Variants in MYO18B observed in about 807,000 individuals in gnomAD.
MYO18B encodes the protein myosin XVIIIB.
A neutral mutation model predicts 273.0 loss-of-function variants in MYO18B; 204 were observed. The observed-to-expected ratio is 0.75, with a 90% CI of 0.67 to 0.84. MYO18B has a LOEUF of 0.84. MYO18B is among the 40% of genes least tolerant of loss of function. The pLI, the probability that MYO18B is intolerant of heterozygous loss-of-function variation, is 0.00. For missense variants in MYO18B, 3,212 were observed against 3,287.6 expected (o/e 0.98, Z 0.56); for synonymous variants, 1,330 against 1,305.7 (o/e 1.02, Z -0.40).
the MYO18B span, among the ~76,000 whole-genome samples, chr22:26,042,378 C>T: frequency 2.0e-5 from 3 of 152,262 alleles, no homozygotes; most frequent in Non-Finnish European, 4.4e-5. Flanking sequence ...TTCCCTTCTT[C>T]CTCTAGACCC....
intron 3 of MYO18B, among the ~76,000 whole-genome samples, chr22:25,766,783 T>G (rs889654169): frequency 3.9e-5 from 6 of 152,176 alleles, no homozygotes; most frequent in African/African-American, 1.4e-4. Flanking sequence ...GTTGAGGAAT[T>G]TGAAAGACCA....
rs534275200 is a variant in MYO18B, at chr22:25,946,373, G to C, written c.5631+123G>C. On this transcript the variant is annotated intron_variant, in intron 35 of 43. Transcript: ENST00000335473. ...AGGACATTTATTGTAAACCTACCAG[G>C]TAGCACCTTGGAGGTACAGACATCC... The C allele has an allele frequency of 5.0e-6, 3 of 600,026 alleles. No individual in the cohort carries two copies. The South Asian group carries it at 7.1e-5, about 14-fold the overall frequency. 37.2% of individuals were successfully genotyped at this position (600,026 alleles called of 1,614,324 possible).
At chr22:25,980,680 T>A (rs2093139982) in intron 39 of MYO18B, among the ~76,000 whole-genome samples, 1 of 152,226 alleles carries the variant, frequency 6.6e-6, no homozygotes, top group South Asian at 2.1e-4. Context: ...TTTGTCACTT[T>A]TTAAATGTTC....
chr22:25,937,274 G>A (rs960825859), intron 34 of MYO18B, among the ~76,000 whole-genome samples: 2 of 151,920 alleles, frequency 1.3e-5, no homozygotes, highest in African/African-American at 2.4e-5. Context: ...TTGTAGAGGT[G>A]GGTCTTACCA....
chr22:25,771,655 T>C (rs970535529), intron 6 of MYO18B, among the ~76,000 whole-genome samples: 4 of 152,124 alleles, frequency 2.6e-5, no homozygotes, highest in African/African-American at 4.8e-5. Context: ...CTCTCCCGCG[T>C]TGGGCATTTA....
In MYO18B at chr22:25,909,291, C is replaced by T. The variant is rs191486780; in HGVS notation, c.5259+859C>T. Among the ~76,000 whole-genome samples the T allele has an allele frequency of 3.4e-3, 521 of 152,324 alleles. 1 individual carries two copies. Among genetic ancestry groups the T allele is most frequent in the African/African-American group, 0.012 (508 of 41,560 alleles). On this transcript the variant is annotated intron_variant, in intron 32 of 43. Transcript: ENST00000335473. ...AAGACCTTCCCTCCCTTCTCGTCCC[C>T]TGAATCATACCTATGTACAGAATAC...
chr22:25,971,979 T>C (rs2146738560), intron 39 of MYO18B, among the ~76,000 whole-genome samples: 1 of 151,666 alleles, frequency 6.6e-6, no homozygotes, highest in East Asian at 1.9e-4. Flanking sequence ...AGAGACGGGG[T>C]TTTGCCATGT....
chr22:25,852,237 C>T lies in MYO18B; in HGVS notation c.3885+658C>T, dbSNP rs150938223. Among the ~76,000 whole-genome samples the T allele has an allele frequency of 1.2e-3, 184 of 152,304 alleles. 1 individual carries two copies. The highest frequency in any genetic ancestry group is 4.0e-3 in the African/African-American group (168 of 41,558). On this transcript the variant is annotated intron_variant, in intron 21 of 43. Coordinates refer to ENST00000335473, the MANE Select transcript of MYO18B (RefSeq NM_032608.7). ...GGAGCACTCGTTCCCCGAATCTTTG[C>T]GTGGCTGGTGTCATCTTGCTATTCA...
At chr22:25,846,348 CTGAGTCA>C in intron 19 of MYO18B, 65 bp downstream of exon 19, 1 of 1,548,002 alleles carries the variant, frequency 6.5e-7, no homozygotes, top group Non-Finnish European at 8.8e-7. Flanking sequence ...CTCCTCTGGG[CTGAGTCA>C]TGTGCCTACA....
chr22:25,985,930 CCTACAGGG>C (rs1049660948), intron 39 of MYO18B, among the ~76,000 whole-genome samples: 1 of 152,210 alleles, frequency 6.6e-6, no homozygotes, highest in Non-Finnish European at 1.5e-5. Flanking sequence ...CCCCGCCCAG[CCTACAGGG>C]CTTTTATTCC....
At position 25,996,659 on chromosome 22, in the gene MYO18B, C is replaced by T. The variant is rs186228789; in HGVS notation, c.6287+4166C>T. 5.1e-4 allele frequency among the ~76,000 whole-genome samples: 78 copies of T among 152,120 alleles called. 1 individual carries two copies. Among genetic ancestry groups the T allele is most frequent in the Non-Finnish European group, 9.1e-4 (62 of 68,014 alleles). The stretch of plus-strand genomic sequence containing the variant: ...CAATTGGAGTTACGAGGCCAGAGAA[C>T]GTAGTGCTATGATGAAGAGCAGGGT... On this transcript the variant is annotated intron_variant, in intron 40 of 43. Coordinates refer to ENST00000335473, the MANE Select transcript of MYO18B (RefSeq NM_032608.7).
chr22:25,869,270 GA>G (rs2090978366), intron 22 of MYO18B, among the ~76,000 whole-genome samples: 1 of 151,948 alleles, frequency 6.6e-6, no homozygotes, highest in Admixed American at 6.6e-5. Context: ...CCAACATGGT[GA>G]AACCCCCATC....
chr22:26,063,502 T>C, the MYO18B span, among the ~76,000 whole-genome samples: 3 of 152,278 alleles, frequency 2.0e-5, no homozygotes, highest in South Asian at 2.1e-4. Flanking sequence ...AAGTGCCCCA[T>C]ATCAGGTAGC....
chr22:25,938,027 G>A (rs576381849), intron 34 of MYO18B, among the ~76,000 whole-genome samples: 32 of 152,328 alleles, frequency 2.1e-4, no homozygotes, highest in African/African-American at 7.0e-4. Flanking sequence ...GTCAAGGCCT[G>A]GGATGTGTTG....
In MYO18B at chr22:25,864,424, C is replaced by T. The variant is rs78630361; in HGVS notation, c.3886-3896C>T. ...CTGGAAATATCTCCCTTATATGCTA[C>T]TTATATGACCTTATTAAATCTCCAC... is the stretch of plus-strand genomic sequence containing the variant. On this transcript the variant is annotated intron_variant, in intron 21 of 43. Coordinates refer to ENST00000335473, the MANE Select transcript of MYO18B (RefSeq NM_032608.7). Among the ~76,000 whole-genome samples the T allele has an allele frequency of 2.0e-5, 3 of 152,278 alleles. No homozygotes were observed. The East Asian group carries it at 5.8e-4, about 29-fold the overall frequency.
intron 31 of MYO18B, among the ~76,000 whole-genome samples, chr22:25,906,360 A>G (rs1407226943): frequency 6.6e-6 from 1 of 152,184 alleles, no homozygotes; most frequent in African/African-American, 2.4e-5. Flanking sequence ...TGTCATTTTA[A>G]AGGAAAAAAA....
intron 1 of MYO18B, among the ~76,000 whole-genome samples, chr22:25,747,409 C>T (rs188450078): frequency 6.6e-6 from 1 of 152,244 alleles, no homozygotes; most frequent in East Asian, 1.9e-4. Context: ...CCCCCAACTA[C>T]AGATCAGTTG....
At chr22:25,898,759 G>GCAGACGGT (rs377207992) in intron 29 of MYO18B, 3 of 340,900 alleles carry the variant, frequency 8.8e-6, no homozygotes, top group African/African-American at 4.2e-5. Context: ...AGGGTTTGTT[G>GCAGACGGT]CAGACGGTCA....
chr22:26,046,888 G>A, the MYO18B span, among the ~76,000 whole-genome samples: 7 of 152,182 alleles, frequency 4.6e-5, no homozygotes, highest in East Asian at 5.8e-4. Context: ...ATCACCTTAC[G>A]CGCATGGCTG....
Sources: allele counts gnomAD v4.1 joint callset (sites outside exome capture counted in the v4.1 genomes callset), GRCh38; gene constraint gnomAD v4.1.1; transcripts MANE v1.5; gene names NCBI Gene and HGNC (gene_info 2026-07-23, HGNC 2026-07-21).